Variants in AFG2B observed in about 807,000 individuals in gnomAD.
AFG2B encodes AAA ATPase AFG2B.
chr15:45,403,212 G>C, the AFG2B span: 1 of 1,497,970 alleles, frequency 6.7e-7, no homozygotes, highest in South Asian at 1.3e-5. Context: ...CGGGCGCGGA[G>C]CTGCTGGCAG....
the AFG2B span, chr15:45,403,145 T>C: frequency 6.8e-7 from 1 of 1,460,760 alleles, no homozygotes; most frequent in Non-Finnish European, 9.0e-7. Context: ...GGGGTGCTCC[T>C]GGCGGGGCCC....
the AFG2B span, chr15:45,418,707 G>T: frequency 6.2e-7 from 1 of 1,601,550 alleles, no homozygotes; most frequent in Middle Eastern, 1.7e-4. Context: ...GAAGAAATTT[G>T]TGGTTCAAAA....
At chr15:45,416,612 A>G in the AFG2B span, among the ~76,000 whole-genome samples, 1 of 152,230 alleles carries the variant, frequency 6.6e-6, no homozygotes, top group Non-Finnish European at 1.5e-5. Flanking sequence ...AATTCCTTCT[A>G]TAGCATCTGA....
At chr15:45,409,379 A>G in the AFG2B span, among the ~76,000 whole-genome samples, 1 of 151,800 alleles carries the variant, frequency 6.6e-6, no homozygotes, top group Non-Finnish European at 1.5e-5. Flanking sequence ...CCCGCCAAAA[A>G]AAAAAAAAAA....
chr15:45,420,734 C>T, the AFG2B span, among the ~76,000 whole-genome samples: 1 of 152,162 alleles, frequency 6.6e-6, no homozygotes, highest in African/African-American at 2.4e-5. Context: ...TGGCTCACAC[C>T]TGTAATCCCA....
chr15:45,420,468 A>G, the AFG2B span, among the ~76,000 whole-genome samples: 2 of 152,218 alleles, frequency 1.3e-5, no homozygotes, highest in East Asian at 1.9e-4. Flanking sequence ...TTAAAAATAC[A>G]TATGGGTTCA....
the AFG2B span, chr15:45,415,923 G>T: frequency 1.3e-6 from 1 of 782,934 alleles, no homozygotes; most frequent in Non-Finnish European, 1.9e-6. Context: ...TATAATTTCA[G>T]TTTGACTTTG....
the AFG2B span, among the ~76,000 whole-genome samples, chr15:45,419,989 C>CA: frequency 1.0e-5 from 1 of 98,354 alleles, no homozygotes; most frequent in Non-Finnish European, 1.9e-5. Flanking sequence ...GACTCTGTCC[C>CA]CCCCCCCCAA....
chr15:45,405,612 G>A, the AFG2B span: 1 of 994,716 alleles, frequency 1.0e-6, no homozygotes, highest in Non-Finnish European at 1.5e-6. Context: ...ACATTTGATA[G>A]CTTCCACAGC....
At chr15:45,410,230 T>A in the AFG2B span, 3 of 833,638 alleles carry the variant, frequency 3.6e-6, no homozygotes, top group Non-Finnish European at 5.6e-6. Flanking sequence ...TAATTCTTTG[T>A]ACTATGTATA....
the AFG2B span, chr15:45,414,746 CGTTT>C: frequency 1.2e-6 from 2 of 1,614,094 alleles, no homozygotes; most frequent in Admixed American, 3.3e-5. Context: ...CTGTTTTCAC[CGTTT>C]GTTGGAGATT....
At chr15:45,409,696 A>AT in the AFG2B span, among the ~76,000 whole-genome samples, 119 of 151,450 alleles carry the variant, frequency 7.9e-4, no homozygotes, top group Middle Eastern at 3.4e-3. Context: ...CCGCATCTCT[A>AT]CAAAAAAAAA....
chr15:45,410,622 T>TG, the AFG2B span: 2 of 1,215,468 alleles, frequency 1.6e-6, no homozygotes, highest in Admixed American at 5.4e-5. Context: ...AAACTGCTCT[T>TG]GCTCCTATCA....
chr15:45,417,209 T>G, the AFG2B span: 5 of 1,569,554 alleles, frequency 3.2e-6, no homozygotes, highest in Non-Finnish European at 3.5e-6. Context: ...TGATTTATAA[T>G]TTTTAGAAAA....
At chr15:45,418,528 T>G in the AFG2B span, 1 of 1,567,610 alleles carries the variant, frequency 6.4e-7, no homozygotes, top group Non-Finnish European at 8.6e-7. Flanking sequence ...GTTATAAGAT[T>G]TAAAATACTG....
chr15:45,417,488 G>T, the AFG2B span: 2 of 1,409,158 alleles, frequency 1.4e-6, no homozygotes, highest in South Asian at 1.5e-5. Context: ...ACTTACCCTG[G>T]GTTCCGCCTT....
chr15:45,404,145 T>C, the AFG2B span, among the ~76,000 whole-genome samples: 4 of 152,154 alleles, frequency 2.6e-5, no homozygotes, highest in African/African-American at 9.7e-5. Context: ...TAAAGAACAG[T>C]TTGAAATTTA....
chr15:45,402,560 G>A, the AFG2B span: 5 of 1,583,504 alleles, frequency 3.2e-6, no homozygotes, highest in African/African-American at 1.4e-5. Flanking sequence ...GCGCGCTTGG[G>A]CTCGGCAGTG....
chr15:45,403,576 C>T, the AFG2B span: 2 of 1,575,766 alleles, frequency 1.3e-6, no homozygotes, highest in Non-Finnish European at 1.7e-6. Context: ...CTTCTGGCGC[C>T]ATTTGGCTGC....
Sources: allele counts gnomAD v4.1 joint callset (sites outside exome capture counted in the v4.1 genomes callset), GRCh38; gene constraint gnomAD v4.1.1; transcripts MANE v1.5; gene names NCBI Gene and HGNC (gene_info 2026-07-23, HGNC 2026-07-21).